DMD: variants seen among roughly 807,000 people sequenced by gnomAD.
DMD encodes the protein mutant dystrophin.
Under a neutral mutation model 330.1 loss-of-function variants are expected in DMD, and 63 were observed. The observed-to-expected ratio is 0.19, with a 90% CI of 0.16 to 0.24. The LOEUF is 0.24. Among genes scored for constraint, DMD ranks in the 10% least tolerant of loss-of-function variants. The probability of loss-of-function intolerance (pLI) is 1.00; values close to 1 mark genes in which losing one functional copy is unlikely to be tolerated. For missense variants in DMD, 3,344 were observed against 2,684.1 expected (o/e 1.25, Z -5.43); for synonymous variants, 1,223 against 959.8 (o/e 1.27, Z -5.07).
intron 44 of DMD, among the ~76,000 whole-genome samples, chrX:32,119,683 A>G (rs750288862): frequency 9.0e-6 from 1 of 111,551 alleles, no homozygotes; most frequent in Non-Finnish European, 1.9e-5. Flanking sequence ...TCTGTCTTCC[A>G]TGTAGATGCA....
intron 76 of DMD, among the ~76,000 whole-genome samples, chrX:31,139,472 T>TACACACACACACACACAC (rs201931479): frequency 9.6e-5 from 8 of 83,472 alleles, no homozygotes; most frequent in African/African-American, 3.1e-4. Flanking sequence ...GTGGTGTTTA[T>TACACACACACACACACAC]ATACACACAC....
intron 29 of DMD, among the ~76,000 whole-genome samples, chrX:32,436,451 T>A (rs2098261572): frequency 9.0e-6 from 1 of 111,670 alleles, no homozygotes; most frequent in South Asian, 3.7e-4. Flanking sequence ...AATAAGATAA[T>A]ACGTGTTGAA....
intron 1 of DMD, among the ~76,000 whole-genome samples, chrX:33,235,896 A>ATATTAT (rs200967851): frequency 6.3e-4 from 63 of 100,372 alleles, no homozygotes; most frequent in African/African-American, 2.2e-3. Context: ...TGGCCAACTT[A>ATATTAT]TATTATTATT....
chrX:32,467,256 C>T (rs776955141), intron 23 of DMD, among the ~76,000 whole-genome samples: 79 of 111,780 alleles, frequency 7.1e-4, no homozygotes, highest in Non-Finnish European at 1.1e-3. Flanking sequence ...CATACCATAA[C>T]GTTTTCGACA....
At chrX:33,192,392 G>C (rs1392158760) in intron 1 of DMD, among the ~76,000 whole-genome samples, 1 of 112,237 alleles carries the variant, frequency 8.9e-6, no homozygotes, top group Non-Finnish European at 1.9e-5. Flanking sequence ...CTGCTCTCAT[G>C]CTGCATGCCT....
chrX:33,033,946 T>C (rs1012191975), intron 1 of DMD, among the ~76,000 whole-genome samples: 1 of 111,985 alleles, frequency 8.9e-6, no homozygotes, highest in Non-Finnish European at 1.9e-5. Context: ...ATTGTAAACT[T>C]TATTTTAAAT....
intron 1 of DMD, among the ~76,000 whole-genome samples, chrX:33,168,662 A>AAAACAGAAG (rs2049181135): frequency 1.8e-5 from 2 of 110,471 alleles, no homozygotes; most frequent in Admixed American, 1.9e-4. Flanking sequence ...TGAATTGTGG[A>AAAACAGAAG]AAACAGAAGT....
chrX:31,849,162 T>C (rs1210806352), intron 48 of DMD, among the ~76,000 whole-genome samples: 1 of 110,345 alleles, frequency 9.1e-6, no homozygotes, highest in African/African-American at 3.3e-5. Context: ...AGAATATATA[T>C]CTCAAAGCAC....
chrX:33,001,555 AT>A (rs11352098), intron 2 of DMD, among the ~76,000 whole-genome samples: 18,071 of 110,774 alleles, frequency 0.16, 2,062 homozygotes, highest in African/African-American at 0.4. Flanking sequence ...TTCTCAGACA[AT>A]TTTTTCTTTT....
chrX:32,711,894 T>G (rs1035345770), intron 7 of DMD, among the ~76,000 whole-genome samples: 5 of 112,003 alleles, frequency 4.5e-5, no homozygotes, highest in African/African-American at 1.6e-4. Context: ...GATTCAAAAT[T>G]TAGCTTTACC....
intron 62 of DMD, among the ~76,000 whole-genome samples, chrX:31,282,837 G>A (rs1023555735): frequency 9.0e-6 from 1 of 111,677 alleles, no homozygotes; most frequent in Non-Finnish European, 1.9e-5. Flanking sequence ...TCTAAAATAA[G>A]GTGTTCTTTG....
chrX:31,466,448 G>A (rs1358344359), intron 59 of DMD, among the ~76,000 whole-genome samples: 1 of 111,792 alleles, frequency 8.9e-6, no homozygotes, highest in Non-Finnish European at 1.9e-5. Flanking sequence ...GCTTGTTTTT[G>A]TCAGGTTTGT....
intron 2 of DMD, among the ~76,000 whole-genome samples, chrX:32,977,775 AG>A (rs1316433666): frequency 9.0e-6 from 1 of 110,954 alleles, no homozygotes; most frequent in Non-Finnish European, 1.9e-5. Context: ...AAGGAAATGG[AG>A]GAATAGAATG....
At position 32,029,265 on chromosome X, in the gene DMD, T is replaced by C. The variant is rs1372959131; in HGVS notation, c.6439-60751A>G. On this transcript the variant is annotated intron_variant, in intron 44 of 78. Coordinates refer to ENST00000357033, the MANE Select transcript of DMD (RefSeq NM_004006.3). ...AATGTCTGATGAAACCTGACCGACC[T>C]CATGCAAAAATATTAAAGAATACTT... 1.8e-5 allele frequency among the ~76,000 whole-genome samples: 2 copies of C among 111,502 alleles called. 1 individual carries two copies. The highest frequency in any genetic ancestry group is 1.9e-4 in the Admixed American group (2 of 10,485).
At chrX:32,628,998 A>C (rs1042652148) in intron 11 of DMD, among the ~76,000 whole-genome samples, 14 of 112,046 alleles carry the variant, frequency 1.2e-4, no homozygotes, top group African/African-American at 4.5e-4. Context: ...CAGCTGTTGG[A>C]TAAAATGTTC....
chrX:33,253,911 G>A (rs1234677272), intron 1 of DMD, among the ~76,000 whole-genome samples: 6 of 110,326 alleles, frequency 5.4e-5, no homozygotes, highest in Admixed American at 3.9e-4. Context: ...ATTAGCAATA[G>A]CTCTTTATTA....
At chrX:31,268,979 A>T (rs1345775052) in intron 62 of DMD, among the ~76,000 whole-genome samples, 4 of 112,231 alleles carry the variant, frequency 3.6e-5, no homozygotes, top group African/African-American at 1.3e-4. Flanking sequence ...TCTGTTGACA[A>T]GAAAAAAGAA....
chrX:31,502,780 ATTGAC>A (rs757685200), intron 56 of DMD, among the ~76,000 whole-genome samples: 18 of 111,719 alleles, frequency 1.6e-4, no homozygotes, highest in South Asian at 3.7e-4. Flanking sequence ...ATGTAAAACA[ATTGAC>A]TTGACCACTT....
At chrX:32,130,582 T>TGATGCATGCCA (rs11275555) in intron 44 of DMD, among the ~76,000 whole-genome samples, 46,509 of 109,136 alleles carry the variant, frequency 0.43, 7,623 homozygotes, top group East Asian at 0.74. Flanking sequence ...GCACATCATC[T>TGATGCATGCCA]GATGCATGCC....
Sources: allele counts gnomAD v4.1 joint callset (sites outside exome capture counted in the v4.1 genomes callset), GRCh38; gene constraint gnomAD v4.1.1; transcripts MANE v1.5; gene names NCBI Gene and HGNC (gene_info 2026-07-23, HGNC 2026-07-21).